Variants in ERC1 observed in about 807,000 individuals in gnomAD.
ERC1 encodes the protein RAB6 interacting protein 2.
In ERC1, 56 loss-of-function variants were observed where a neutral mutation model predicts 132.0. That is an observed-to-expected ratio of 0.42 (90% confidence interval 0.34 to 0.53). ERC1 has a LOEUF of 0.53. Among genes scored for constraint, ERC1 ranks in the 20% least tolerant of loss-of-function variants. The pLI is 0.03. For missense variants in ERC1, 1,202 were observed against 1,349.9 expected, an observed-to-expected ratio of 0.89 and a Z score of 1.72; for synonymous variants, 478 against 476.1, an observed-to-expected ratio of 1.00 and a Z score of -0.05.
At position 1,492,848 on chromosome 12, in the gene ERC1, A is replaced by T. The variant is rs942602606; in HGVS notation, c.*2618A>T. The T allele has an allele frequency of 8.3e-5, 19 of 230,046 alleles. 1 individual carries two copies. The highest frequency in any genetic ancestry group is 4.2e-4 in the African/African-American group (19 of 44,954). 14.3% of individuals were successfully genotyped at this position (230,046 alleles called of 1,614,324 possible). ...GAACCAACACTTAACCAAATGTCCC[A>T]CTCCCATCACACTAGGACTTGTCAT... On this transcript the variant is annotated 3_prime_UTR_variant, in exon 19 of 19. Transcript: ENST00000360905.
intron 14 of ERC1, among the ~76,000 whole-genome samples, chr12:1,278,951 A>G (rs983232447): frequency 3.3e-5 from 5 of 152,124 alleles, no homozygotes; most frequent in Non-Finnish European, 7.4e-5. Flanking sequence ...TATAAATAAT[A>G]TAACAGTAAA....
At position 1,177,198 on chromosome 12, in the gene ERC1, A is replaced by G. The variant is rs77286680; in HGVS notation, c.1738-3342A>G. ...GTTTGATCCTGTATCCAAACCAGCA[A>G]ACTTTTTCCATATCAGCAATAAGGT... On this transcript the variant is annotated intron_variant, in intron 8 of 18. Coordinates refer to ENST00000360905, the MANE Select transcript of ERC1 (RefSeq NM_178040.4). Among the ~76,000 whole-genome samples the G allele has an allele frequency of 9.3e-3, 1,420 of 152,304 alleles. 13 individuals carry two copies. The highest frequency in any genetic ancestry group is 0.014 in the Non-Finnish European group (953 of 68,020).
intron 2 of ERC1, among the ~76,000 whole-genome samples, chr12:1,081,791 T>A (rs1942231859): frequency 6.6e-6 from 1 of 152,144 alleles, no homozygotes; most frequent in Non-Finnish European, 1.5e-5. Flanking sequence ...ATTGTACCTG[T>A]AGTCAGCAGT....
At chr12:1,395,104 T>C (rs2090419693) in intron 16 of ERC1, among the ~76,000 whole-genome samples, 1 of 152,230 alleles carries the variant, frequency 6.6e-6, no homozygotes, top group Admixed American at 6.5e-5. Flanking sequence ...AGAATTGGAT[T>C]GCATTAGGTT....
intron 15 of ERC1, among the ~76,000 whole-genome samples, chr12:1,354,733 C>G (rs1337317899): frequency 6.6e-6 from 1 of 152,158 alleles, no homozygotes; most frequent in Non-Finnish European, 1.5e-5. Context: ...TCACTGCAAC[C>G]TCCGCGTTCT....
intron 18 of ERC1, among the ~76,000 whole-genome samples, chr12:1,487,932 A>T (rs1184295791): frequency 6.6e-6 from 1 of 151,354 alleles, no homozygotes; most frequent in Non-Finnish European, 1.5e-5. Flanking sequence ...AGGTCAGGAG[A>T]TCTAGACCAT....
intron 7 of ERC1, among the ~76,000 whole-genome samples, chr12:1,137,647 C>A (rs1032784563): frequency 4.0e-5 from 6 of 150,650 alleles, no homozygotes; most frequent in African/African-American, 1.5e-4. Context: ...GTCAGGAGTT[C>A]GAGACCAGCC....
intron 1 of ERC1, among the ~76,000 whole-genome samples, chr12:1,009,996 C>T (rs1336664264): frequency 1.3e-5 from 2 of 152,164 alleles, no homozygotes; most frequent in African/African-American, 4.8e-5. Context: ...CCACTGAATT[C>T]TGCTTGAATC....
At chr12:1,480,332 T>G (rs1290794298) in intron 18 of ERC1, among the ~76,000 whole-genome samples, 1 of 152,204 alleles carries the variant, frequency 6.6e-6, no homozygotes, top group Non-Finnish European at 1.5e-5. Context: ...TACAAGGTTT[T>G]CAGCACACGC....
intron 1 of ERC1, among the ~76,000 whole-genome samples, chr12:996,014 G>A (rs934914707): frequency 2.6e-5 from 4 of 152,066 alleles, no homozygotes; most frequent in Non-Finnish European, 4.4e-5. Context: ...TAATAACAGG[G>A]AAATGACTAA....
chr12:1,142,861 T>C (rs1466322184), intron 8 of ERC1, among the ~76,000 whole-genome samples: 2 of 152,220 alleles, frequency 1.3e-5, no homozygotes, highest in East Asian at 3.8e-4. Context: ...ATTTAAAAAT[T>C]AGTTCTTTTG....
intron 16 of ERC1, among the ~76,000 whole-genome samples, chr12:1,396,665 A>C (rs1257149084): frequency 6.6e-6 from 1 of 152,218 alleles, no homozygotes; most frequent in Non-Finnish European, 1.5e-5. Context: ...GAATGGTGTC[A>C]GAATCAAAGA....
chr12:1,091,076 A>G (rs1195804081), intron 3 of ERC1, among the ~76,000 whole-genome samples: 1 of 152,008 alleles, frequency 6.6e-6, no homozygotes, highest in Non-Finnish European at 1.5e-5. Context: ...TTTAGTAGAG[A>G]TGGGGTTTCG....
At chr12:1,257,710 G>A (rs1419711116) in intron 13 of ERC1, among the ~76,000 whole-genome samples, 1 of 151,940 alleles carries the variant, frequency 6.6e-6, no homozygotes, top group Non-Finnish European at 1.5e-5. Context: ...GCCTTTTATA[G>A]ATTTATTTCC....
chr12:1,345,527 CAAGTTTAAGAA>C (rs1459219565), intron 15 of ERC1, among the ~76,000 whole-genome samples: 2 of 152,102 alleles, frequency 1.3e-5, no homozygotes, highest in Non-Finnish European at 1.5e-5. Flanking sequence ...GCCATCCTTC[CAAGTTTAAGAA>C]AAGAGATAGA....
intron 7 of ERC1, among the ~76,000 whole-genome samples, chr12:1,129,174 C>G (rs893108292): frequency 1.3e-5 from 2 of 152,136 alleles, no homozygotes; most frequent in African/African-American, 4.8e-5. Context: ...CATAGATAAA[C>G]TAATCTTAAA....
chr12:1,424,370 CA>C (rs2092540903), intron 17 of ERC1, among the ~76,000 whole-genome samples: 1 of 152,168 alleles, frequency 6.6e-6, no homozygotes, highest in African/African-American at 2.4e-5. Context: ...CCTTTGGCTA[CA>C]GTTTTACTGC....
intron 15 of ERC1, among the ~76,000 whole-genome samples, chr12:1,307,359 C>T (rs2080960194): frequency 6.6e-6 from 1 of 152,168 alleles, no homozygotes. Context: ...AGTCCACAGG[C>T]CCTGTAAACA....
chr12:995,329 G>A (rs1178482978), intron 1 of ERC1, among the ~76,000 whole-genome samples: 2 of 152,110 alleles, frequency 1.3e-5, no homozygotes, highest in African/African-American at 4.8e-5. Context: ...CCAGGTGAGG[G>A]TATCTCTGAC....
Sources: allele counts gnomAD v4.1 joint callset (sites outside exome capture counted in the v4.1 genomes callset), GRCh38; gene constraint gnomAD v4.1.1; transcripts MANE v1.5; gene names NCBI Gene and HGNC (gene_info 2026-07-23, HGNC 2026-07-21).